The following EIPR1 variants were observed in gnomAD, a reference collection of about 807,000 sequenced individuals.
EIPR1 encodes EARP and GARP complex-interacting protein 1.
A neutral mutation model predicts 48.1 loss-of-function variants in EIPR1; 25 were observed. That is an observed-to-expected ratio of 0.52 (90% CI 0.38 to 0.73). EIPR1 has a LOEUF of 0.73. Ranked by LOEUF, EIPR1 falls within the 30% of genes least tolerant of loss-of-function variation. The probability of loss-of-function intolerance (pLI) is 0.00; values close to 1 mark genes in which losing one functional copy is unlikely to be tolerated. For missense variants in EIPR1, 415 were observed against 506.2 expected (o/e 0.82, Z 1.73); for synonymous variants, 204 against 201.9 (o/e 1.01, Z -0.09).
In EIPR1 at chr2:3,220,653, G is replaced by C. The variant is rs372921449; in HGVS notation, c.417-6405C>G. Among the ~76,000 whole-genome samples the C allele has an allele frequency of 2.0e-5, 3 of 151,198 alleles. 1 individual carries two copies. The highest frequency in any genetic ancestry group is 7.3e-5 in the African/African-American group (3 of 41,134). On this transcript the variant is annotated intron_variant, in intron 4 of 8. Transcript: ENST00000382125. The stretch of plus-strand genomic sequence containing the variant: ...TCAGGTGCACACACGCGATTACCAT[G>C]GTACACTCTAGAGCATTCACAGTGA...
chr2:3,317,735 C>T (rs1669355786), intron 3 of EIPR1, among the ~76,000 whole-genome samples: 1 of 152,168 alleles, frequency 6.6e-6, no homozygotes, highest in African/African-American at 2.4e-5. Context: ...TAGAGGAGGT[C>T]ATCAGGTGGG....
chr2:3,220,746 GCACACAA>G (rs1665857429), intron 4 of EIPR1, among the ~76,000 whole-genome samples: 1 of 150,708 alleles, frequency 6.6e-6, no homozygotes, highest in African/African-American at 2.4e-5. Context: ...CGGAACACAC[GCACACAA>G]TGGCCGAGGT....
chr2:3,269,599 A>AATC lies in EIPR1; in HGVS notation c.260-12147_260-12145dup, dbSNP rs70938933. ...GTCATCGCACTCAATCATCGCACTC[A>AATC]ATCGCACTCAATCATCACAATCATC... On this transcript the variant is annotated intron_variant, in intron 3 of 8. Coordinates refer to ENST00000382125, the MANE Select transcript of EIPR1 (RefSeq NM_003310.5). 1.9e-4 allele frequency among the ~76,000 whole-genome samples: 9 copies of AATC among 47,256 alleles called. 1 individual carries two copies. The highest frequency in any genetic ancestry group is 9.4e-4 in the African/African-American group (8 of 8,482). The allele number at this position is 47,256 out of a possible 152,430, so 31.0% of individuals were successfully genotyped here. A position where few individuals can be genotyped will look rare whatever the true frequency, so the allele number is the denominator to read the frequency against.
Position 3,258,493 on chromosome 2 carries a change from CG to C in EIPR1, c.260-1039del, listed in dbSNP as rs1050878753. ...AAGAACATAAAAATATTATATATTG[CG>C]TTAGAACATAAAAAAACATTTCATG... On this transcript the variant is annotated intron_variant, in intron 3 of 8. Coordinates refer to ENST00000382125, the MANE Select transcript of EIPR1 (RefSeq NM_003310.5). 1.2e-3 allele frequency among the ~76,000 whole-genome samples: 147 copies of C among 118,556 alleles called. 1 individual carries two copies. The highest frequency in any genetic ancestry group is 4.3e-3 in the African/African-American group (140 of 32,232). The allele number at this position is 118,556 out of a possible 152,430, so 77.8% of individuals were successfully genotyped here.
At chr2:3,233,199 C>A (rs142973856) in intron 4 of EIPR1, among the ~76,000 whole-genome samples, 1,707 of 151,792 alleles carry the variant, frequency 0.011, 18 homozygotes, top group Middle Eastern at 0.02. Flanking sequence ...TAATGTTATT[C>A]TGCAACTTGC....
chr2:3,193,902 C>T, intron 7 of EIPR1, 97 bp downstream of exon 7: 1 of 1,406,252 alleles, frequency 7.1e-7, no homozygotes, highest in Non-Finnish European at 9.7e-7. Flanking sequence ...CACAGCAGCA[C>T]AAACTAAGCT....
chr2:3,258,191 C>A (rs1204677735), intron 3 of EIPR1, among the ~76,000 whole-genome samples: 1 of 152,216 alleles, frequency 6.6e-6, no homozygotes, highest in Non-Finnish European at 1.5e-5. Context: ...AGAAAAGCCA[C>A]TTTGTGGATA....
intron 2 of EIPR1, among the ~76,000 whole-genome samples, chr2:3,346,224 G>A (rs1670397304): frequency 6.6e-6 from 1 of 152,266 alleles, no homozygotes; most frequent in African/African-American, 2.4e-5. Context: ...TGGTGGGATA[G>A]ACGAAACTGG....
intron 5 of EIPR1, chr2:3,207,670 G>T (rs1001897579): frequency 6.6e-6 from 1 of 152,140 alleles, no homozygotes; most frequent in Non-Finnish European, 1.5e-5. Context: ...AAAGACGCCT[G>T]GTTCTAAAAA....
chr2:3,251,864 CCTT>C (rs1348302582), intron 4 of EIPR1, among the ~76,000 whole-genome samples: 1 of 152,274 alleles, frequency 6.6e-6, no homozygotes, highest in East Asian at 1.9e-4. Flanking sequence ...ACAAATGGCT[CCTT>C]CTGTTCATTC....
At chr2:3,366,716 A>C (rs1323636705) in intron 1 of EIPR1, among the ~76,000 whole-genome samples, 2 of 152,198 alleles carry the variant, frequency 1.3e-5, no homozygotes, top group African/African-American at 4.8e-5. Flanking sequence ...AAGATAGAAA[A>C]ATGCTGAGCA....
At chr2:3,330,805 AGCAG>A in intron 3 of EIPR1, among the ~76,000 whole-genome samples, 1 of 148,512 alleles carries the variant, frequency 6.7e-6, no homozygotes, top group African/African-American at 2.5e-5. Flanking sequence ...GAATGGTGTG[AGCAG>A]AGACAGGCAC....
At chr2:3,306,125 C>T (rs907683513) in intron 3 of EIPR1, among the ~76,000 whole-genome samples, 6 of 152,334 alleles carry the variant, frequency 3.9e-5, no homozygotes, top group East Asian at 1.9e-4. Context: ...CCAGCGCAGA[C>T]GCATTCAGCC....
At chr2:3,217,135 A>G (rs1424317475) in intron 4 of EIPR1, among the ~76,000 whole-genome samples, 1 of 152,254 alleles carries the variant, frequency 6.6e-6, no homozygotes, top group Non-Finnish European at 1.5e-5. Flanking sequence ...TGATTCAGCA[A>G]GCTATAAAAG....
intron 3 of EIPR1, among the ~76,000 whole-genome samples, chr2:3,291,530 A>G (rs1668365995): frequency 1.3e-5 from 2 of 152,246 alleles, no homozygotes; most frequent in Admixed American, 1.3e-4. Context: ...TAAAAACGTC[A>G]TAATTTAAAA....
At chr2:3,303,563 G>C (rs1005230152) in intron 3 of EIPR1, among the ~76,000 whole-genome samples, 1 of 152,218 alleles carries the variant, frequency 6.6e-6, no homozygotes, top group Non-Finnish European at 1.5e-5. Context: ...CAGCAGAGTC[G>C]GGTCACAGCG....
intron 2 of EIPR1, among the ~76,000 whole-genome samples, chr2:3,342,710 A>G (rs1383819777): frequency 6.6e-6 from 1 of 152,238 alleles, no homozygotes; most frequent in Non-Finnish European, 1.5e-5. Context: ...CCAGCCAGCG[A>G]GCACGCACAG....
At chr2:3,310,469 C>T (rs187556840) in intron 3 of EIPR1, among the ~76,000 whole-genome samples, 33 of 139,970 alleles carry the variant, frequency 2.4e-4, no homozygotes, top group African/African-American at 8.9e-4. Flanking sequence ...CTGGCTAAAA[C>T]GGTGAAACCC....
Position 3,273,900 on chromosome 2 carries a change from C to T in EIPR1, c.260-16445G>A, listed in dbSNP as rs970828396. Among the ~76,000 whole-genome samples the T allele has an allele frequency of 6.6e-5, 10 of 151,988 alleles. No homozygotes were observed. In the South Asian group the frequency reaches 1.0e-3, roughly 16 times the overall value. ...CCAATGACTTCAGATACTATAATCG[C>T]AATGTTCGAAGAAATAAAAGCTGGA... On this transcript the variant is annotated intron_variant, in intron 3 of 8. Transcript: ENST00000382125.
Sources: allele counts gnomAD v4.1 joint callset (sites outside exome capture counted in the v4.1 genomes callset), GRCh38; gene constraint gnomAD v4.1.1; transcripts MANE v1.5; gene names NCBI Gene and HGNC (gene_info 2026-07-23, HGNC 2026-07-21).